SRGAP3: variants seen among roughly 807,000 people sequenced by gnomAD.
SRGAP3 encodes the protein SLIT-ROBO Rho GTPase-activating protein 3.
In SRGAP3, 39 loss-of-function variants were observed where a neutral mutation model predicts 121.1. The observed-to-expected ratio is 0.32, with a 90% CI of 0.25 to 0.42. SRGAP3 has a LOEUF of 0.42. Ranked by LOEUF, SRGAP3 falls within the 10% of genes least tolerant of loss-of-function variation. The probability of loss-of-function intolerance (pLI) is 1.00; values close to 1 mark genes in which losing one functional copy is unlikely to be tolerated. For missense variants in SRGAP3, 1,213 were observed against 1,470.6 expected, an observed-to-expected ratio of 0.82 and a Z score of 2.86; for synonymous variants, 601 against 570.0, an observed-to-expected ratio of 1.05 and a Z score of -0.77.
At chr3:9,096,937 GTATATATA>G (rs58305278) in intron 3 of SRGAP3, among the ~76,000 whole-genome samples, 5,757 of 61,088 alleles carry the variant, frequency 0.094, 312 homozygotes, top group Admixed American at 0.14. Flanking sequence ...ACATTATTTT[GTATATATA>G]TATATATATA....
At chr3:8,986,626 T>C (rs1941722350) in intron 21 of SRGAP3, among the ~76,000 whole-genome samples, 1 of 152,190 alleles carries the variant, frequency 6.6e-6, no homozygotes, top group Admixed American at 6.5e-5. Context: ...TTTTTAAAAA[T>C]CCTTGCTCAC....
intron 19 of SRGAP3, 87 bp downstream of exon 19, chr3:8,994,256 A>G: frequency 6.4e-7 from 1 of 1,551,646 alleles, no homozygotes; most frequent in Non-Finnish European, 8.8e-7. Context: ...AATTGCTGGC[A>G]TACAAGCTAG....
At chr3:9,121,614 C>G (rs1230728603) in intron 2 of SRGAP3, among the ~76,000 whole-genome samples, 1 of 152,238 alleles carries the variant, frequency 6.6e-6, no homozygotes, top group Non-Finnish European at 1.5e-5. Flanking sequence ...GGGCTGCCAG[C>G]TGGGGCTCCC....
At chr3:9,156,981 A>G (rs1259635636) in intron 1 of SRGAP3, among the ~76,000 whole-genome samples, 1 of 152,182 alleles carries the variant, frequency 6.6e-6, no homozygotes, top group African/African-American at 2.4e-5. Context: ...GTTTTCTTTA[A>G]TATTCCAAGT....
chr3:9,217,554 GAGA>G (rs1004700571), intron 1 of SRGAP3: 13 of 152,152 alleles, frequency 8.5e-5, no homozygotes, highest in Admixed American at 3.9e-4. Flanking sequence ...TCGGGGCAGG[GAGA>G]AGAACTACCT....
At chr3:9,190,583 G>A (rs1016292589) in intron 1 of SRGAP3, among the ~76,000 whole-genome samples, 2 of 152,180 alleles carry the variant, frequency 1.3e-5, no homozygotes, top group Non-Finnish European at 2.9e-5. Context: ...GCTTAAAGCT[G>A]GCATGCACTG....
chr3:9,351,508 A>T (rs1255554162), intron 1 of SRGAP3, among the ~76,000 whole-genome samples: 1 of 152,178 alleles, frequency 6.6e-6, no homozygotes, highest in Non-Finnish European at 1.5e-5. Context: ...TCCCTCAATA[A>T]GGTCAGTAGA....
Position 9,064,597 on chromosome 3 carries a change from T to A in SRGAP3, c.487-16A>T, listed in dbSNP as rs1325043260. On this transcript the variant is annotated splice_polypyrimidine_tract_variant and intron_variant, in intron 4 of 21. Coordinates refer to ENST00000383836, the MANE Select transcript of SRGAP3 (RefSeq NM_014850.4). ...TTTTCATGACCTGGGGGTGCACAAG[T>A]AGGGGAAATCAGCAGCCAGCTATGG... The A allele has an allele frequency of 1.4e-5, 23 of 1,613,616 alleles. No individual in the cohort carries two copies. The highest frequency in any genetic ancestry group is 1.9e-5 in the Non-Finnish European group (22 of 1,179,938).
intron 1 of SRGAP3, among the ~76,000 whole-genome samples, chr3:9,125,156 T>G (rs950414791): frequency 6.6e-6 from 1 of 152,214 alleles, no homozygotes; most frequent in Non-Finnish European, 1.5e-5. Flanking sequence ...AATCACTGCA[T>G]GTCACCACCA....
At chr3:9,069,304 T>C (rs2125227591) in intron 4 of SRGAP3, among the ~76,000 whole-genome samples, 1 of 152,158 alleles carries the variant, frequency 6.6e-6, no homozygotes, top group East Asian at 1.9e-4. Context: ...AGGGGGTAGA[T>C]GGGGAAAGTG....
chr3:9,291,546 C>CA (rs917740921), intron 3 of SRGAP3, among the ~76,000 whole-genome samples: 1 of 151,694 alleles, frequency 6.6e-6, no homozygotes, highest in Non-Finnish European at 1.5e-5. Context: ...TCTATTCTCC[C>CA]AAAAAACAAT....
rs189325493 is a variant in SRGAP3, at chr3:9,334,187, T to C, written n.215-3591A>G. Among the ~76,000 whole-genome samples, 26 of 152,280 alleles carry C rather than the reference T, an allele frequency of 1.7e-4. No homozygotes were observed. The Middle Eastern group carries it at 0.014, about 80-fold the overall frequency. On this transcript the variant is annotated intron_variant and non_coding_transcript_variant, in intron 1 of 3. Coordinates refer to the SRGAP3 transcript ENST00000490889. ...TTTGCAACTTCCTATGAATATATAA[T>C]TATTTCAAAATAAAGTTTTTTTAAA...
rs200518555 is a variant in SRGAP3, at chr3:9,331,401, T to TATGC, written n.215-809_215-806dup. ...GGACTGACTTTGGAATGCAATTACA[T>TATGC]ATGCATGCATGCATGCACAGAACCA... On this transcript the variant is annotated intron_variant and non_coding_transcript_variant, in intron 1 of 3. Transcript: ENST00000490889. 5.1e-3 allele frequency among the ~76,000 whole-genome samples: 775 copies of TATGC among 152,274 alleles called. 9 individuals carry two copies. Among genetic ancestry groups the TATGC allele is most frequent in the East Asian group, 0.026 (136 of 5,182 alleles).
At chr3:9,280,367 G>T (rs983697547) in intron 3 of SRGAP3, among the ~76,000 whole-genome samples, 10 of 152,240 alleles carry the variant, frequency 6.6e-5, no homozygotes, top group Non-Finnish European at 1.0e-4. Context: ...CTGCTGTGCT[G>T]CCGCCCCCAC....
intron 3 of SRGAP3, among the ~76,000 whole-genome samples, chr3:9,325,828 A>G (rs148140720): frequency 6.6e-6 from 1 of 152,096 alleles, no homozygotes; most frequent in Admixed American, 6.5e-5. Flanking sequence ...ACTATACCCT[A>G]TAAGTGTACA....
At chr3:8,992,881 G>GA (rs1470614400) in intron 20 of SRGAP3, 25 bp downstream of exon 20, 19 of 1,613,872 alleles carry the variant, frequency 1.2e-5, no homozygotes, top group African/African-American at 4.0e-5. Context: ...CACCAGCAGG[G>GA]AAAAAATGAA....
chr3:9,361,065 C>T lies in SRGAP3; in HGVS notation n.214+1775G>A, dbSNP rs116070980. 3.0e-3 allele frequency among the ~76,000 whole-genome samples: 451 copies of T among 152,144 alleles called. 2 individuals carry two copies. Among genetic ancestry groups the T allele is most frequent in the African/African-American group, 0.01 (435 of 41,530 alleles). Reference sequence around the variant, plus strand: ...TTTCATGTGCTTATTGGCCATTTGTCCATCTTTTGGAGAAATATCTATTCA... The same window carrying T: ...TTTCATGTGCTTATTGGCCATTTGTTCATCTTTTGGAGAAATATCTATTCA... On this transcript the variant is annotated intron_variant and non_coding_transcript_variant, in intron 1 of 3. Coordinates refer to the SRGAP3 transcript ENST00000490889.
At chr3:9,183,363 T>TTCAC (rs1225750635) in intron 1 of SRGAP3, among the ~76,000 whole-genome samples, 2 of 152,178 alleles carry the variant, frequency 1.3e-5, no homozygotes, top group Non-Finnish European at 2.9e-5. Flanking sequence ...AATATCTAAC[T>TTCAC]TCACAGAGAT....
chr3:9,064,588 G>T lies in SRGAP3; in HGVS notation c.487-7C>A. 6.2e-7 allele frequency: 1 copy of T among 1,613,846 alleles called. No individual in the cohort carries two copies. On this transcript the variant is annotated splice_region_variant and splice_polypyrimidine_tract_variant and intron_variant, in intron 4 of 21. Coordinates refer to ENST00000383836, the MANE Select transcript of SRGAP3 (RefSeq NM_014850.4). ...TGTGGTAGGTTTTCATGACCTGGGG[G>T]TGCACAAGTAGGGGAAATCAGCAGC...
Sources: allele counts gnomAD v4.1 joint callset (sites outside exome capture counted in the v4.1 genomes callset), GRCh38; gene constraint gnomAD v4.1.1; transcripts MANE v1.5; gene names NCBI Gene and HGNC (gene_info 2026-07-23, HGNC 2026-07-21).